Variants in C11orf16 observed in about 807,000 individuals in gnomAD.
The protein encoded by C11orf16 is uncharacterized protein C11orf16.
Under a neutral mutation model 45.1 loss-of-function variants are expected in C11orf16, and 38 were observed. That is an observed-to-expected ratio of 0.84 (90% confidence interval 0.65 to 1.10). The LOEUF (loss-of-function observed/expected upper bound fraction) is 1.10, where lower values mean the gene tolerates loss of function less well. Ranked by LOEUF, C11orf16 falls within the 50% of genes least tolerant of loss-of-function variation. C11orf16 has a pLI of 0.00. For missense variants in C11orf16, 583 were observed against 569.5 expected (o/e 1.02, Z -0.24); for synonymous variants, 221 against 222.0 (o/e 1.00, Z 0.04).
rs377170245 is a variant in C11orf16, at chr11:8,932,275, G to T, written c.34C>A (p.Leu12Ile). The change falls in exon 2 of 7, where the codon CTC becomes ATC. Residue 12 changes from leucine to isoleucine, a missense_variant. Transcript: ENST00000326053. ...ESSTGPRMPL[L>I]KYCSVATSLK... ...CTTGTGGCCACGCTGCAGTATTTGA[G>T]CAAAGGCATCCTGGGCCCCGTGGAG... 4 of 1,611,292 alleles carry T rather than the reference G, an allele frequency of 2.5e-6. No individual in the cohort carries two copies. The highest frequency in any genetic ancestry group is 4.5e-5 in the East Asian group (2 of 44,850).
In C11orf16 at chr11:8,925,539, C is replaced by G. The variant is rs777521630; in HGVS notation, c.1128G>C (p.Leu376=). The G allele has an allele frequency of 6.2e-7, 1 of 1,614,244 alleles. No homozygotes were observed. Among genetic ancestry groups the G allele is most frequent in the South Asian group, 1.1e-5 (1 of 91,088 alleles). ...CAGGCTGGCAGAGGCCACTCTGTCT[C>G]AGAGGCATCTCAAGAAAGATGGGAT... is the stretch of plus-strand genomic sequence containing the variant. ...NTDPIFLEMP[L]RQSGLCQPEW... The change falls in exon 5 of 7, where the codon CTG becomes CTC. Residue 376 remains leucine (L), a synonymous_variant. Coordinates refer to ENST00000326053, the MANE Select transcript of C11orf16 (RefSeq NM_020643.3).
chr11:8,922,738 A>G (rs1215918927), intron 5 of C11orf16, among the ~76,000 whole-genome samples: 4 of 152,244 alleles, frequency 2.6e-5, no homozygotes, highest in Non-Finnish European at 5.9e-5. Context: ...ATTAAACATC[A>G]AGCATGTTTA....
chr11:8,925,828 C>T lies in C11orf16; in HGVS notation c.839G>A (p.Gly280Asp). 1 of 1,614,214 alleles carries T rather than the reference C, an allele frequency of 6.2e-7. No individual in the cohort carries two copies. Among genetic ancestry groups the T allele is most frequent in the Non-Finnish European group, 8.5e-7 (1 of 1,180,042 alleles). ...ACATGGCGGGCAGCCACAGAGGCAGCCCTGGCACAGTAGCTGGCAGCAGGC... is the reference window on the plus strand; with the variant it reads ...ACATGGCGGGCAGCCACAGAGGCAGTCCTGGCACAGTAGCTGGCAGCAGGC... ...HHACCQLLCQ[G>D]CLCGCPPCGT... is the part of the protein sequence containing the mutation. The change falls in exon 5 of 7, where the codon GGC (glycine) becomes GAC (aspartate). Residue 280 changes from glycine (G) to aspartate (D), a missense_variant. Coordinates refer to ENST00000326053, the MANE Select transcript of C11orf16 (RefSeq NM_020643.3).
At chr11:8,929,624 C>A in intron 2 of C11orf16, 91 bp from the exon 3 acceptor site, 1 of 1,201,286 alleles carries the variant, frequency 8.3e-7, no homozygotes. Flanking sequence ...TGAGGTACAC[C>A]ACAGCACATG....
At chr11:8,930,870 C>T (rs1179585827) in intron 2 of C11orf16, among the ~76,000 whole-genome samples, 3 of 152,102 alleles carry the variant, frequency 2.0e-5, no homozygotes, top group East Asian at 3.9e-4. Context: ...CCTTCCTGTG[C>T]TTGTTGGCAT....
At chr11:8,926,485 C>T (rs2064614354) in intron 4 of C11orf16, among the ~76,000 whole-genome samples, 1 of 152,148 alleles carries the variant, frequency 6.6e-6, no homozygotes, top group Admixed American at 6.5e-5. Context: ...AAGGACTTGC[C>T]TGAGCCTCCC....
intron 6 of C11orf16, among the ~76,000 whole-genome samples, chr11:8,921,088 G>A (rs536191805): frequency 1.1e-4 from 16 of 152,216 alleles, no homozygotes; most frequent in African/African-American, 2.6e-4. Context: ...TCATTTAAAC[G>A]GGGATCCTTG....
intron 6 of C11orf16, 101 bp from the exon 7 acceptor site, chr11:8,920,551 G>T: frequency 1.7e-6 from 1 of 588,008 alleles, no homozygotes; most frequent in Non-Finnish European, 3.0e-6. Flanking sequence ...GCCGAGTGCG[G>T]TGGCTCATAC....
chr11:8,928,448 A>C (rs989707398), intron 3 of C11orf16, among the ~76,000 whole-genome samples: 8 of 152,068 alleles, frequency 5.3e-5, no homozygotes, highest in African/African-American at 1.4e-4. Flanking sequence ...CCTTTCCCTT[A>C]GGCTAGTGTT....
rs1350625315 is a variant in C11orf16 at position 8,932,128 on chromosome 11, GC to G, written c.167+13del. 6.4e-7 allele frequency: 1 copy of G among 1,563,138 alleles called. No individual in the cohort carries two copies. The highest frequency in any genetic ancestry group is 1.2e-5 in the South Asian group (1 of 84,704). On this transcript the variant is annotated intron_variant, in intron 2 of 6. Transcript: ENST00000326053. The stretch of plus-strand genomic sequence containing the variant: ...AAGGGCATCCACTTCCCCCAGAGGG[GC>G]AGAGACAGGTACCTTGCAAGGGGCT...
chr11:8,922,659 A>G (rs2064583168), intron 5 of C11orf16, among the ~76,000 whole-genome samples: 2 of 152,234 alleles, frequency 1.3e-5, no homozygotes, highest in South Asian at 4.1e-4. Flanking sequence ...GTGAGAGGCA[A>G]AGCTCAAAAT....
rs1566111964 is a variant in C11orf16, at chr11:8,925,527, GC to G, written c.1139del (p.Gly380AlafsTer45). The G allele has an allele frequency of 1.9e-6, 3 of 1,614,202 alleles. No individual in the cohort carries two copies. Among genetic ancestry groups the G allele is most frequent in the Non-Finnish European group, 2.5e-6 (3 of 1,180,044 alleles). ...IFLEMPLRQS[G>X]LCQPEWRYWK... ...AATACCTCCACTCAGGCTGGCAGAG[GC>G]CACTCTGTCTCAGAGGCATCTCAAG... is the stretch of plus-strand genomic sequence containing the variant. On this transcript the variant is annotated frameshift_variant, in exon 5 of 7. Coordinates refer to ENST00000326053, the MANE Select transcript of C11orf16 (RefSeq NM_020643.3). LOFTEE classifies it high-confidence loss of function.
At position 8,932,156 on chromosome 11, in the gene C11orf16, G is replaced by C. The variant is rs1290590671; in HGVS notation, c.153C>G (p.His51Gln). ...FALQAPWLTG[H>Q]KPLARHASSC... ...GAGACAGGTACCTTGCAAGGGGCTT[G>C]TGCCCGGTGAGCCAGGGTGCTTGGA... The change falls in exon 2 of 7, where the codon CAC becomes CAG. Residue 51 changes from histidine to glutamine, a missense_variant. Physicochemically the swap from His to Gln is conservative, Grantham distance 24 (BLOSUM62 0). Coordinates refer to ENST00000326053, the MANE Select transcript of C11orf16 (RefSeq NM_020643.3). 1 of 1,583,020 alleles carries C rather than the reference G, an allele frequency of 6.3e-7. No individual in the cohort carries two copies. Among genetic ancestry groups the C allele is most frequent in the Non-Finnish European group, 8.6e-7 (1 of 1,165,184 alleles).
At position 8,925,471 on chromosome 11, in the gene C11orf16, C is replaced by A. The variant is rs1355757482; in HGVS notation, c.1196G>T (p.Gly399Val). The change falls in exon 5 of 7, where the codon GGG becomes GTG. Residue 399 changes from glycine (G) to valine (V), a missense_variant. Physicochemically the swap from Gly to Val is moderately radical, Grantham distance 109. Coordinates refer to ENST00000326053, the MANE Select transcript of C11orf16 (RefSeq NM_020643.3). ...CCACTCCCCTGGTATACCTGGCTTC[C>A]CAAGGCATGGCTCAGGCCCGTTTCT... is the stretch of plus-strand genomic sequence containing the variant. ...WKRNGPEPCL[G>V]KPGTRYSNIC... 19 of 1,611,438 alleles carry A rather than the reference C, an allele frequency of 1.2e-5. No individual in the cohort carries two copies. Among genetic ancestry groups the A allele is most frequent in the Non-Finnish European group, 1.5e-5 (18 of 1,178,176 alleles).
chr11:8,927,088 G>T lies in C11orf16; in HGVS notation c.411C>A (p.Val137=), dbSNP rs2134835870. 6.2e-7 allele frequency: 1 copy of T among 1,614,152 alleles called. No homozygotes were observed. Among genetic ancestry groups the T allele is most frequent in the South Asian group, 1.1e-5 (1 of 91,078 alleles). The part of the protein sequence containing the change: ...PKLPAQQQRV[V]LEEDVIPLSP... ...AGAGAGGAATGACATCCTCTTCTAA[G>T]ACCACTCTCTGCTGCTGGGCTGGCA... Residue 137 remains valine, a synonymous_variant, in exon 4 of 7, where the codon GTC becomes GTA. Transcript: ENST00000326053.
Position 8,921,424 on chromosome 11 carries a change from G to A in C11orf16, c.1296C>T (p.Val432=), listed in dbSNP as rs1386110770. ...TAVVGTTKEL[V]SKATHMKPPR... is the part of the protein sequence containing the mutation. ...GTGGCTTCATGTGGGTTGCTTTCGAGACCAGCTCCTTGGTAGTCCCCACTA... is the reference window on the plus strand; with the variant it reads ...GTGGCTTCATGTGGGTTGCTTTCGAAACCAGCTCCTTGGTAGTCCCCACTA... Residue 432 remains valine (V), a synonymous_variant, in exon 6 of 7, where the codon GTC becomes GTT. Coordinates refer to ENST00000326053, the MANE Select transcript of C11orf16 (RefSeq NM_020643.3). The A allele has an allele frequency of 6.2e-7, 1 of 1,614,214 alleles. No individual in the cohort carries two copies. Among genetic ancestry groups the A allele is most frequent in the East Asian group, 2.2e-5 (1 of 44,892 alleles).
intron 2 of C11orf16, among the ~76,000 whole-genome samples, chr11:8,931,209 CTT>C (rs34939195): frequency 1.6e-4 from 23 of 144,704 alleles, no homozygotes; most frequent in South Asian, 2.2e-4. Context: ...GAGCAAGTCT[CTT>C]TTTTTTTTTT....
chr11:8,923,914 C>T (rs10840149), intron 5 of C11orf16, among the ~76,000 whole-genome samples: 134,769 of 149,932 alleles, frequency 0.9, 62,321 homozygotes, highest in East Asian at 1. Context: ...GAAATCGCCA[C>T]TTCTGAGTGG....
chr11:8,920,534 G>A (rs887821762), intron 6 of C11orf16, 84 bp from the exon 7 acceptor site: 6 of 605,718 alleles, frequency 9.9e-6, no homozygotes, highest in African/African-American at 1.9e-5. Flanking sequence ...AAAAGTCATT[G>A]ATTGTGGCCG....
Sources: allele counts gnomAD v4.1 joint callset (sites outside exome capture counted in the v4.1 genomes callset), GRCh38; gene constraint gnomAD v4.1.1; transcripts MANE v1.5; gene names NCBI Gene and HGNC (gene_info 2026-07-23, HGNC 2026-07-21).